Variants in FAM107B observed in about 807,000 individuals in gnomAD.
FAM107B encodes protein FAM107B.
In FAM107B, 21 loss-of-function variants were observed where a neutral mutation model predicts 31.5. That is an observed-to-expected ratio of 0.67 (90% CI 0.47 to 0.96). The LOEUF (loss-of-function observed/expected upper bound fraction) is 0.96, where lower values mean the gene tolerates loss of function less well. Ranked by LOEUF, FAM107B falls within the 40% of genes least tolerant of loss-of-function variation. FAM107B has a pLI of 0.00. For synonymous variants in FAM107B, 157 were observed against 141.5 expected (o/e 1.11, Z -0.78); for missense variants, 452 against 377.1 (o/e 1.20, Z -1.64).
chr10:14,585,710 C>T (rs2131322327), intron 2 of FAM107B, among the ~76,000 whole-genome samples: 1 of 152,328 alleles, frequency 6.6e-6, no homozygotes, highest in East Asian at 1.9e-4. Flanking sequence ...GGCAGCCAAG[C>T]TCCGCCCATG....
intron 2 of FAM107B, among the ~76,000 whole-genome samples, chr10:14,546,813 A>T (rs1848736748): frequency 6.6e-6 from 1 of 152,210 alleles, no homozygotes; most frequent in Non-Finnish European, 1.5e-5. Context: ...CTAATTGACA[A>T]CCTGACCCCC....
chr10:14,560,906 G>A lies in FAM107B; in HGVS notation c.470-30391C>T, dbSNP rs1168921104. On this transcript the variant is annotated intron_variant, in intron 2 of 4. Coordinates refer to ENST00000181796, the MANE Select transcript of FAM107B (RefSeq NM_031453.4). ...CTGTTTCTCCCCCTACAGAGCAGATGACTGTTCTGGGAGACAGCTGGCAGC... is the reference window on the plus strand; with the variant it reads ...CTGTTTCTCCCCCTACAGAGCAGATAACTGTTCTGGGAGACAGCTGGCAGC... 5.9e-5 allele frequency among the ~76,000 whole-genome samples: 9 copies of A among 152,180 alleles called. No individual in the cohort carries two copies. In the East Asian group the frequency reaches 1.7e-3, roughly 29 times the overall value.
intron 1 of FAM107B, among the ~76,000 whole-genome samples, chr10:14,732,926 T>C (rs142620934): frequency 0.029 from 4,194 of 146,268 alleles, 163 homozygotes; most frequent in East Asian, 0.16. Context: ...ATTAATATTA[T>C]ATAATATTAT....
intron 1 of FAM107B, among the ~76,000 whole-genome samples, chr10:14,690,732 G>T (rs186931307): frequency 1.3e-5 from 2 of 150,820 alleles, no homozygotes; most frequent in African/African-American, 4.9e-5. Flanking sequence ...GATTACAGGC[G>T]TGAGCCACCA....
At chr10:14,752,947 G>T (rs1363278854) in intron 1 of FAM107B, among the ~76,000 whole-genome samples, 1 of 147,940 alleles carries the variant, frequency 6.8e-6, no homozygotes, top group African/African-American at 2.5e-5. Context: ...AAAAAAAAAT[G>T]ACTCATAAAA....
At chr10:14,738,612 T>G (rs1156939246) in intron 1 of FAM107B, among the ~76,000 whole-genome samples, 1 of 151,722 alleles carries the variant, frequency 6.6e-6, no homozygotes, top group East Asian at 1.9e-4. Flanking sequence ...AAAAAGGAGG[T>G]TAGAGGAGTG....
intron 1 of FAM107B, among the ~76,000 whole-genome samples, chr10:14,695,829 T>C (rs1395003324): frequency 2.0e-5 from 3 of 152,246 alleles, no homozygotes; most frequent in Non-Finnish European, 4.4e-5. Flanking sequence ...TGATTTTGTA[T>C]CCTTCAACTT....
At chr10:14,759,326 T>C (rs950380687) in intron 1 of FAM107B, among the ~76,000 whole-genome samples, 4 of 152,162 alleles carry the variant, frequency 2.6e-5, no homozygotes, top group Non-Finnish European at 5.9e-5. Flanking sequence ...TTTAAATCTT[T>C]GTTCTTTAAG....
chr10:14,607,716 G>A (rs1031116276), intron 2 of FAM107B, among the ~76,000 whole-genome samples: 1 of 152,100 alleles, frequency 6.6e-6, no homozygotes, highest in Non-Finnish European at 1.5e-5. Context: ...TTTGTTCTGG[G>A]GCTGACACAG....
intron 1 of FAM107B, among the ~76,000 whole-genome samples, chr10:14,689,333 C>G (rs1282036173): frequency 6.7e-6 from 1 of 149,814 alleles, no homozygotes; most frequent in Non-Finnish European, 1.5e-5. Flanking sequence ...AGAGCTGAGA[C>G]CGCACCACTG....
At chr10:14,638,926 C>A (rs963794860) in intron 2 of FAM107B, among the ~76,000 whole-genome samples, 7 of 152,264 alleles carry the variant, frequency 4.6e-5, no homozygotes, top group African/African-American at 1.4e-4. Flanking sequence ...CACGGTGGCT[C>A]ACACCTGTAA....
intron 1 of FAM107B, among the ~76,000 whole-genome samples, chr10:14,735,382 C>A (rs1213395869): frequency 6.6e-6 from 1 of 152,048 alleles, no homozygotes; most frequent in Non-Finnish European, 1.5e-5. Context: ...CCCCAGGAAG[C>A]CAAAAGATTG....
chr10:14,644,893 C>T lies in FAM107B; in HGVS notation c.469+22741G>A, dbSNP rs1853714914. ...CACAAAGCAGGTAATAAATTGCCTC[C>T]TAATTATAAGAAGGGATATACATAG... On this transcript the variant is annotated intron_variant, in intron 2 of 4. Coordinates refer to ENST00000181796, the MANE Select transcript of FAM107B (RefSeq NM_031453.4). Among the ~76,000 whole-genome samples, 3 of 152,140 alleles carry T rather than the reference C, an allele frequency of 2.0e-5. No individual in the cohort carries two copies. The South Asian group carries it at 6.2e-4, about 32-fold the overall frequency.
intron 1 of FAM107B, among the ~76,000 whole-genome samples, chr10:14,759,195 A>AATAAATAC (rs1198589619): frequency 2.0e-5 from 3 of 151,266 alleles, no homozygotes; most frequent in Non-Finnish European, 4.4e-5. Context: ...TAAATAAATA[A>AATAAATAC]ATAAATAAAT....
chr10:14,669,539 A>G (rs1854493340), intron 1 of FAM107B, among the ~76,000 whole-genome samples: 1 of 152,196 alleles, frequency 6.6e-6, no homozygotes, highest in African/African-American at 2.4e-5. Context: ...AAATGTGGTA[A>G]ATATACACAA....
intron 1 of FAM107B, among the ~76,000 whole-genome samples, chr10:14,770,751 T>G (rs112272245): frequency 6.6e-6 from 1 of 152,134 alleles, no homozygotes; most frequent in Non-Finnish European, 1.5e-5. Flanking sequence ...AGTTGAAGAC[T>G]GATCAATAGC....
intron 2 of FAM107B, among the ~76,000 whole-genome samples, chr10:14,558,076 C>A (rs935802392): frequency 6.6e-6 from 1 of 152,228 alleles, no homozygotes. Context: ...AGCTTGCCCT[C>A]CCTGTTCCTC....
rs185142204 is a variant in FAM107B at position 14,710,542 on chromosome 10, G to A, written c.412-42851C>T. Among the ~76,000 whole-genome samples, 375 of 151,054 alleles carry A rather than the reference G, an allele frequency of 2.5e-3. 2 individuals are homozygous for A. The highest frequency in any genetic ancestry group is 8.6e-3 in the African/African-American group (354 of 41,100). On this transcript the variant is annotated intron_variant, in intron 1 of 4. Transcript: ENST00000181796. The stretch of plus-strand genomic sequence containing the variant: ...AGATTCTGATTTACAGTTATTTATT[G>A]CATAATGACATTTTGGTCAATAATG...
At chr10:14,548,720 C>A in intron 2 of FAM107B, 15 of 938,752 alleles carry the variant, frequency 1.6e-5, no homozygotes, top group Non-Finnish European at 1.8e-5. Flanking sequence ...CCACTCTAGC[C>A]GCAAAACGTG....
Sources: allele counts gnomAD v4.1 joint callset (sites outside exome capture counted in the v4.1 genomes callset), GRCh38; gene constraint gnomAD v4.1.1; transcripts MANE v1.5; gene names NCBI Gene and HGNC (gene_info 2026-07-23, HGNC 2026-07-21).